The following MGMT variants were observed in gnomAD, a reference collection of about 807,000 sequenced individuals.
MGMT encodes methylated-DNA--protein-cysteine methyltransferase.
MGMT carries 14 observed loss-of-function variants against 15.9 expected under a neutral mutation model. The ratio of observed to expected loss-of-function variants is 0.88; its 90% CI spans 0.58 to 1.37. The LOEUF (loss-of-function observed/expected upper bound fraction) is 1.37. Ranked by LOEUF, MGMT falls within the 40% of genes most tolerant of loss-of-function variation. The pLI is 0.00. For missense variants in MGMT, 282 were observed against 268.1 expected (o/e 1.05, Z -0.36); for synonymous variants, 130 against 118.2 (o/e 1.10, Z -0.65).
intron 2 of MGMT, among the ~76,000 whole-genome samples, chr10:129,602,169 A>G (rs1021527853): frequency 2.4e-4 from 36 of 152,176 alleles, no homozygotes; most frequent in Non-Finnish European, 8.8e-5. Context: ...AGCAAGTGTG[A>G]TACAGAATCA....
At chr10:129,468,183 T>A (rs1168011451) in intron 1 of MGMT, among the ~76,000 whole-genome samples, 2 of 152,070 alleles carry the variant, frequency 1.3e-5, no homozygotes, top group African/African-American at 4.8e-5. Context: ...TCCCGTCATC[T>A]CCCCCATCCC....
At chr10:129,587,539 G>A (rs1284792672) in intron 2 of MGMT, among the ~76,000 whole-genome samples, 1 of 150,478 alleles carries the variant, frequency 6.6e-6, no homozygotes, top group African/African-American at 2.5e-5. Flanking sequence ...CACCAGGCTG[G>A]AGGGCAGTGG....
chr10:129,565,165 C>T (rs1356174216), intron 2 of MGMT, among the ~76,000 whole-genome samples: 3 of 152,174 alleles, frequency 2.0e-5, no homozygotes, highest in Non-Finnish European at 2.9e-5. Context: ...GTGTGGGGCC[C>T]GGCGCGAAAA....
chr10:129,511,061 C>A (rs1845677085), intron 1 of MGMT, among the ~76,000 whole-genome samples: 1 of 147,326 alleles, frequency 6.8e-6, no homozygotes, highest in Non-Finnish European at 1.5e-5. Context: ...CCTGGTGCTT[C>A]CCATGATGGG....
intron 2 of MGMT, among the ~76,000 whole-genome samples, chr10:129,555,496 A>G (rs1305929866): frequency 1.5e-4 from 23 of 152,124 alleles, no homozygotes; most frequent in Non-Finnish European, 1.8e-4. Context: ...GACTCACTTG[A>G]GGCCAGGAGT....
chr10:129,695,193 G>C (rs1350521990), intron 2 of MGMT, among the ~76,000 whole-genome samples: 1 of 152,156 alleles, frequency 6.6e-6, no homozygotes, highest in Non-Finnish European at 1.5e-5. Context: ...TCTCAACTCT[G>C]CTAACCAGCT....
chr10:129,572,536 A>G (rs561179724), intron 2 of MGMT, among the ~76,000 whole-genome samples: 1 of 152,270 alleles, frequency 6.6e-6, no homozygotes, highest in African/African-American at 2.4e-5. Context: ...CCGCTCTCGG[A>G]GCTTGATATC....
intron 2 of MGMT, among the ~76,000 whole-genome samples, chr10:129,589,193 A>C (rs1846652829): frequency 6.6e-6 from 1 of 152,234 alleles, no homozygotes; most frequent in Non-Finnish European, 1.5e-5. Context: ...CTGTTCTCGC[A>C]GTCATGGAGC....
chr10:129,769,500 T>C lies in MGMT; in HGVS notation c.*2503T>C. On this transcript the variant is annotated 3_prime_UTR_variant, in exon 5 of 5. Coordinates refer to ENST00000651593, the MANE Select transcript of MGMT (RefSeq NM_002412.5). ...CACCCTGTCGCATTTCCCAGCACTG[T>C]GATGCTTTGAAGGCCGACACCGAGA... 6.6e-6 allele frequency: 1 copy of C among 152,116 alleles called. No individual in the cohort carries two copies. The highest frequency in any genetic ancestry group is 3.4e-3 in the Middle Eastern group (1 of 296). The allele number at this position is 152,116 out of a possible 1,614,324, so 9.4% of individuals were successfully genotyped here.
chr10:129,632,470 AC>A (rs1040071550), intron 2 of MGMT, among the ~76,000 whole-genome samples: 33 of 139,706 alleles, frequency 2.4e-4, no homozygotes, highest in African/African-American at 7.5e-4. Context: ...CTTCGCCAGT[AC>A]GGGGCAAAAG....
intron 2 of MGMT, among the ~76,000 whole-genome samples, chr10:129,647,040 A>G (rs1847404657): frequency 1.3e-5 from 2 of 151,978 alleles, no homozygotes; most frequent in African/African-American, 4.8e-5. Context: ...CGCTCAGTCC[A>G]GGTGTGTGTC....
intron 2 of MGMT, among the ~76,000 whole-genome samples, chr10:129,560,669 C>G (rs970856949): frequency 1.3e-5 from 2 of 152,118 alleles, no homozygotes; most frequent in Non-Finnish European, 2.9e-5. Context: ...GACAATTCAG[C>G]GTTAAAGTTC....
At chr10:129,494,188 C>A (rs144061194) in intron 1 of MGMT, among the ~76,000 whole-genome samples, 1 of 152,288 alleles carries the variant, frequency 6.6e-6, no homozygotes, top group East Asian at 1.9e-4. Flanking sequence ...AAATTCTTAG[C>A]CAGCCTCTTA....
chr10:129,499,050 A>C (rs76339068), intron 1 of MGMT, among the ~76,000 whole-genome samples: 6,987 of 152,300 alleles, frequency 0.046, 226 homozygotes, highest in Middle Eastern at 0.085. Flanking sequence ...GCCTTCTCCA[A>C]CATTGAGAAA....
chr10:129,735,620 T>G (rs1848551201), intron 3 of MGMT, among the ~76,000 whole-genome samples: 1 of 139,646 alleles, frequency 7.2e-6, no homozygotes, highest in Non-Finnish European at 1.5e-5. Context: ...ATGTGTTTGC[T>G]CTTGCTTTTC....
chr10:129,501,234 C>T (rs1312073686), intron 1 of MGMT, among the ~76,000 whole-genome samples: 2 of 152,228 alleles, frequency 1.3e-5, no homozygotes, highest in Non-Finnish European at 2.9e-5. Context: ...GTTGCCCCCT[C>T]TTCCCTCTCT....
At chr10:129,618,911 C>G (rs904443302) in intron 2 of MGMT, among the ~76,000 whole-genome samples, 1 of 151,882 alleles carries the variant, frequency 6.6e-6, no homozygotes, top group Non-Finnish European at 1.5e-5. Context: ...CTTCCATGTA[C>G]GTGAATATCT....
rs1199829648 is a variant in MGMT at position 129,768,482 on chromosome 10, G to C, written c.*1485G>C. On this transcript the variant is annotated 3_prime_UTR_variant, in exon 5 of 5. Transcript: ENST00000651593. ...GCACGCCGCGTCACCGTCAGGACTCGCAGGCTGTCTGGTCATTTTTGACGT... is the reference window on the plus strand; with the variant it reads ...GCACGCCGCGTCACCGTCAGGACTCCCAGGCTGTCTGGTCATTTTTGACGT... Among the ~76,000 whole-genome samples, 1 of 152,358 alleles carries C rather than the reference G, an allele frequency of 6.6e-6. No individual in the cohort carries two copies. Among genetic ancestry groups the C allele is most frequent in the East Asian group, 1.9e-4 (1 of 5,172 alleles).
intron 3 of MGMT, among the ~76,000 whole-genome samples, chr10:129,746,535 A>T (rs1175420755): frequency 6.6e-6 from 1 of 151,914 alleles, no homozygotes; most frequent in Non-Finnish European, 1.5e-5. Context: ...TTGCCTATGG[A>T]TATCCAATTT....
Sources: gnomAD v4.1 joint callset for allele counts (sites outside exome capture counted in the v4.1 genomes callset) on GRCh38, gnomAD v4.1.1 for gene constraint, MANE v1.5 for transcripts, NCBI Gene and HGNC (gene_info 2026-07-23, HGNC 2026-07-21) for gene names.